Variants in MAN1C1 observed in about 807,000 individuals in gnomAD.
MAN1C1 encodes mannosyl-oligosaccharide 1,2-alpha-mannosidase IC.
A neutral mutation model predicts 71.5 loss-of-function variants in MAN1C1; 49 were observed. That is an observed-to-expected ratio of 0.69 (90% CI 0.54 to 0.87). MAN1C1 has a LOEUF of 0.87. MAN1C1 is among the 40% of genes least tolerant of loss of function. The probability of loss-of-function intolerance (pLI) is 0.00; values close to 1 mark genes in which losing one functional copy is unlikely to be tolerated. For synonymous variants in MAN1C1, 352 were observed against 343.7 expected (o/e 1.02, Z -0.27); for missense variants, 743 against 835.0 (o/e 0.89, Z 1.36).
At chr1:25,771,868 GGCCGA>G in intron 8 of MAN1C1, 96 bp downstream of exon 8, 1 of 886,332 alleles carries the variant, frequency 1.1e-6, no homozygotes, top group Non-Finnish European at 1.8e-6. Flanking sequence ...GGGCCAGATG[GGCCGA>G]GACTTGCTCC....
Position 25,743,939 on chromosome 1 carries a change from G to A in MAN1C1, c.638-2729G>A, listed in dbSNP as rs191043396. ...TTTTCACAGAGAATTGAGCGGCCCT[G>A]CAATGCCTGATGCGTGGAAAACACA... is the stretch of plus-strand genomic sequence containing the variant. On this transcript the variant is annotated intron_variant, in intron 2 of 11. Transcript: ENST00000374332. Among the ~76,000 whole-genome samples, 14 of 152,348 alleles carry A rather than the reference G, an allele frequency of 9.2e-5. No individual in the cohort carries two copies. In the East Asian group the frequency reaches 1.9e-3, roughly 21 times the overall value.
At chr1:25,679,950 A>ATAT (rs1553185880) in intron 1 of MAN1C1, among the ~76,000 whole-genome samples, 6 of 117,236 alleles carry the variant, frequency 5.1e-5, no homozygotes, top group African/African-American at 1.5e-4. Context: ...AAAAAAAAAA[A>ATAT]ATATATATAT....
At chr1:25,758,870 C>A in intron 6 of MAN1C1, 161 bp downstream of exon 6, 1 of 657,944 alleles carries the variant, frequency 1.5e-6, no homozygotes. Flanking sequence ...TAGTAGCTAC[C>A]TATACCCCAA....
intron 1 of MAN1C1, among the ~76,000 whole-genome samples, chr1:25,653,156 C>T (rs1381888252): frequency 2.0e-5 from 3 of 151,626 alleles, no homozygotes; most frequent in African/African-American, 7.3e-5. Context: ...AAGCTCGCTG[C>T]GGTCTTGACC....
Position 25,782,361 on chromosome 1 carries a change from G to A in MAN1C1, c.1651-224G>A, listed in dbSNP as rs1000373175. Among the ~76,000 whole-genome samples, 2 of 152,280 alleles carry A rather than the reference G, an allele frequency of 1.3e-5. No homozygotes were observed. The highest frequency in any genetic ancestry group is 2.4e-5 in the African/African-American group (1 of 41,554). ...GCCCATCGGGCCAGAGCTCTCAGAG[G>A]TGTGGGTGGAAGGAGTGTGGCCCCT... On this transcript the variant is annotated intron_variant, in intron 10 of 11. Coordinates refer to ENST00000374332, the MANE Select transcript of MAN1C1 (RefSeq NM_020379.4). This position sits in a 1 kb window ranked among gnomAD's most constrained non-coding sequence, Gnocchi z 4.4.
At position 25,735,454 on chromosome 1, in the gene MAN1C1, A is replaced by ATG. The variant is rs1164458589; in HGVS notation, c.638-11208_638-11207dup. Among the ~76,000 whole-genome samples the ATG allele has an allele frequency of 6.6e-6, 1 of 152,062 alleles. No homozygotes were observed. The highest frequency in any genetic ancestry group is 2.4e-5 in the African/African-American group (1 of 41,388). ...TGTATGTATGTGTATGTATATATATATGTGTGTATCTATATATGTGTATGT... is the reference window on the plus strand; with the variant it reads ...TGTATGTATGTGTATGTATATATATATGTGTGTGTATCTATATATGTGTATGT... On this transcript the variant is annotated intron_variant, in intron 2 of 11. Coordinates refer to ENST00000374332, the MANE Select transcript of MAN1C1 (RefSeq NM_020379.4). This position sits in a 1 kb window ranked among gnomAD's most constrained non-coding sequence, Gnocchi z 4.6.
chr1:25,664,411 G>A (rs1458475701), intron 1 of MAN1C1, among the ~76,000 whole-genome samples: 1 of 152,140 alleles, frequency 6.6e-6, no homozygotes, highest in Non-Finnish European at 1.5e-5. Flanking sequence ...AATAGATTTT[G>A]CAAAACATTT....
At chr1:25,678,556 A>G (rs2046101109) in intron 1 of MAN1C1, among the ~76,000 whole-genome samples, 2 of 152,204 alleles carry the variant, frequency 1.3e-5, no homozygotes, top group Non-Finnish European at 2.9e-5. Context: ...GTTACATATT[A>G]ATAACTTTAA....
chr1:25,761,918 C>T (rs1182855303), intron 6 of MAN1C1, among the ~76,000 whole-genome samples: 1 of 151,422 alleles, frequency 6.6e-6, no homozygotes, highest in Non-Finnish European at 1.5e-5. Context: ...CCACTGCACC[C>T]AGCCTCTACT....
Position 25,617,720 on chromosome 1 carries a change from G to T in MAN1C1, c.-78G>T. On this transcript the variant is annotated 5_prime_UTR_variant, in exon 1 of 12. Transcript: ENST00000374332. This position sits in a 1 kb window ranked among gnomAD's most constrained non-coding sequence, Gnocchi z 5.1. ...GGACCCCCATCCCGGGCGGCGCTCC[G>T]GACGCCCTCCCCTCACCGCGCCCCC... 1.4e-6 allele frequency: 2 copies of T among 1,412,550 alleles called. No individual in the cohort carries two copies. The highest frequency in any genetic ancestry group is 1.9e-6 in the Non-Finnish European group (2 of 1,071,052). 87.5% of individuals were successfully genotyped at this position (1,412,550 alleles called of 1,614,324 possible).
chr1:25,661,623 C>T (rs767311199), intron 1 of MAN1C1, among the ~76,000 whole-genome samples: 3 of 152,064 alleles, frequency 2.0e-5, no homozygotes, highest in Non-Finnish European at 2.9e-5. Flanking sequence ...GCTGGGAACT[C>T]GAGACTGAGG....
intron 1 of MAN1C1, among the ~76,000 whole-genome samples, chr1:25,684,261 G>A (rs1166692740): frequency 6.6e-6 from 1 of 152,128 alleles, no homozygotes; most frequent in East Asian, 1.9e-4. Flanking sequence ...GAAGGAGGAG[G>A]CCATTCTCTC....
intron 11 of MAN1C1, 81 bp from the exon 12 acceptor site, chr1:25,783,582 G>A: frequency 6.6e-7 from 1 of 1,524,708 alleles, no homozygotes; most frequent in Non-Finnish European, 9.0e-7. Flanking sequence ...CAAAGGCCCT[G>A]AGACTTGTTC....
chr1:25,688,377 G>A (rs568568417), intron 2 of MAN1C1, among the ~76,000 whole-genome samples: 84 of 152,322 alleles, frequency 5.5e-4, no homozygotes, highest in African/African-American at 1.9e-3. Context: ...AGTATAAACA[G>A]GGACATTATC....
intron 2 of MAN1C1, among the ~76,000 whole-genome samples, chr1:25,742,930 T>C (rs1301035587): frequency 6.6e-6 from 1 of 152,218 alleles, no homozygotes; most frequent in Non-Finnish European, 1.5e-5. Context: ...GGCTGCTATT[T>C]CAAGGTGAAC....
chr1:25,619,524 C>G (rs1012267042), intron 1 of MAN1C1, among the ~76,000 whole-genome samples: 3 of 152,194 alleles, frequency 2.0e-5, no homozygotes, highest in African/African-American at 7.2e-5. Flanking sequence ...CAGCGCCCAC[C>G]TCTCTTCCAC....
chr1:25,749,443 C>G lies in MAN1C1; in HGVS notation c.834+108C>G, dbSNP rs558875238. 1.1e-5 allele frequency: 11 copies of G among 990,532 alleles called. No homozygotes were observed. In the East Asian group the frequency reaches 2.8e-4, roughly 25 times the overall value. 61.4% of individuals were successfully genotyped at this position (990,532 alleles called of 1,614,324 possible). A position where few individuals can be genotyped will look rare whatever the true frequency, so the allele number is the denominator to read the frequency against. ...CCATGGGAAAAGGGACTTAAGGGGG[C>G]AGGGATGGGCCTGGGGCCACCCAAG... On this transcript the variant is annotated intron_variant, in intron 4 of 11. Coordinates refer to ENST00000374332, the MANE Select transcript of MAN1C1 (RefSeq NM_020379.4).
intron 2 of MAN1C1, among the ~76,000 whole-genome samples, chr1:25,717,427 C>T (rs943645630): frequency 6.6e-6 from 1 of 152,044 alleles, no homozygotes; most frequent in African/African-American, 2.4e-5. Flanking sequence ...TAAGCTGAGG[C>T]AGGAGGATTA....
At chr1:25,728,150 C>T (rs1156904618) in intron 2 of MAN1C1, among the ~76,000 whole-genome samples, 1 of 152,180 alleles carries the variant, frequency 6.6e-6, no homozygotes, top group Non-Finnish European at 1.5e-5. Context: ...GAACTAAAGC[C>T]TGGAGTGAGA....
Sources: gnomAD v4.1 joint callset for allele counts (sites outside exome capture counted in the v4.1 genomes callset) on GRCh38, gnomAD v4.1.1 for gene constraint, Gnocchi (gnomAD v3.1) non-coding constraint, MANE v1.5 for transcripts, NCBI Gene and HGNC (gene_info 2026-07-23, HGNC 2026-07-21) for gene names.